KAT6B: variants seen among roughly 807,000 people sequenced by gnomAD.
KAT6B encodes histone acetyltransferase KAT6B.
In KAT6B, 10 loss-of-function variants were observed where a neutral mutation model predicts 187.5. That is an observed-to-expected ratio of 0.05 (90% CI 0.03 to 0.09). The LOEUF is 0.09. KAT6B is among the 10% of genes least tolerant of loss of function. KAT6B has a pLI of 1.00. For missense variants in KAT6B, 1,952 were observed against 2,558.9 expected (o/e 0.76, Z 5.12); for synonymous variants, 861 against 926.8 (o/e 0.93, Z 1.29).
In KAT6B at chr10:75,030,934, C is replaced by CA; in HGVS notation, c.6112dup (p.Met2038AsnfsTer8). 6.2e-7 allele frequency: 1 copy of CA among 1,614,148 alleles called. No individual in the cohort carries two copies. Among genetic ancestry groups the CA allele is most frequent in the Non-Finnish European group, 8.5e-7 (1 of 1,180,034 alleles). On this transcript the variant is annotated frameshift_variant, in exon 18 of 18. Transcript: ENST00000287239. LOFTEE classifies it high-confidence loss of function. The surrounding 1 kb of genome is among the most constrained non-coding windows in gnomAD (Gnocchi z 4.8). ...GGCACCCAGCCATATGCCCAGCAGC[C>CA]AATGCAGACCCCACCCCACGGTAAC...
intron 3 of KAT6B, among the ~76,000 whole-genome samples, chr10:74,892,804 C>A (rs572457548): frequency 1.3e-5 from 2 of 152,100 alleles, no homozygotes; most frequent in African/African-American, 4.8e-5. Context: ...CCTGAGAAAG[C>A]GTTCTTGAGT....
chr10:74,886,406 A>G (rs1845270126), intron 3 of KAT6B, among the ~76,000 whole-genome samples: 1 of 152,210 alleles, frequency 6.6e-6, no homozygotes, highest in African/African-American at 2.4e-5. Flanking sequence ...CCTGCATCCC[A>G]GGTGAGGAGG....
chr10:74,847,444 C>T (rs1163015398), intron 3 of KAT6B, among the ~76,000 whole-genome samples: 2 of 152,090 alleles, frequency 1.3e-5, no homozygotes, highest in African/African-American at 2.4e-5. Context: ...GGGTGGATCA[C>T]CTGAGGTCAG....
intron 13 of KAT6B, among the ~76,000 whole-genome samples, chr10:75,004,100 A>G (rs148675569): frequency 3.3e-4 from 50 of 151,900 alleles, no homozygotes; most frequent in African/African-American, 8.9e-4. Context: ...TTGGATTTCT[A>G]ACGTTGACTG....
intron 1 of KAT6B, among the ~76,000 whole-genome samples, chr10:74,832,454 C>T (rs76193251): frequency 0.013 from 2,008 of 152,156 alleles, 26 homozygotes; most frequent in Non-Finnish European, 0.02. Context: ...GGGAGACCCC[C>T]GCCTCTATTT....
intron 13 of KAT6B, among the ~76,000 whole-genome samples, chr10:75,006,032 C>G (rs1844181087): frequency 1.3e-5 from 2 of 152,120 alleles, no homozygotes; most frequent in South Asian, 4.1e-4. Context: ...TCAGTCTCCA[C>G]AATAAATTTG....
chr10:75,007,596 G>A (rs1441089856), intron 13 of KAT6B, among the ~76,000 whole-genome samples: 2 of 152,198 alleles, frequency 1.3e-5, no homozygotes, highest in African/African-American at 2.4e-5. Context: ...ATTGGCTGGA[G>A]CGGATAGAAA....
intron 3 of KAT6B, among the ~76,000 whole-genome samples, chr10:74,931,056 G>A (rs1490251351): frequency 6.6e-6 from 1 of 152,206 alleles, no homozygotes; most frequent in African/African-American, 2.4e-5. Flanking sequence ...GCGCAATTAA[G>A]CACAGAACTC....
intron 3 of KAT6B, among the ~76,000 whole-genome samples, chr10:74,891,179 G>A (rs559912796): frequency 7.9e-5 from 12 of 152,340 alleles, no homozygotes; most frequent in African/African-American, 2.9e-4. Context: ...GGCAATTCCT[G>A]ACAGCATTTC....
At chr10:74,844,703 A>C (rs985736552) in intron 3 of KAT6B, among the ~76,000 whole-genome samples, 1 of 152,152 alleles carries the variant, frequency 6.6e-6, no homozygotes, top group Non-Finnish European at 1.5e-5. Context: ...TTCTCCTTAC[A>C]TTACTGCTAC....
intron 3 of KAT6B, among the ~76,000 whole-genome samples, chr10:74,855,767 T>G (rs917482557): frequency 2.0e-5 from 3 of 152,090 alleles, no homozygotes; most frequent in Non-Finnish European, 4.4e-5. Flanking sequence ...ATTAAAAGAG[T>G]AGTACAGTAA....
intron 3 of KAT6B, among the ~76,000 whole-genome samples, chr10:74,928,558 A>G (rs1358759143): frequency 6.6e-6 from 1 of 152,204 alleles, no homozygotes; most frequent in Non-Finnish European, 1.5e-5. Context: ...CTATTTCATC[A>G]GGAAGAACAA....
Position 74,952,984 on chromosome 10 carries a change from G to A in KAT6B, c.622-6986G>A, listed in dbSNP as rs550798443. Among the ~76,000 whole-genome samples the A allele has an allele frequency of 9.9e-5, 15 of 150,980 alleles. No homozygotes were observed. The South Asian group carries it at 2.7e-3, about 27-fold the overall frequency. ...CAAAGTGTGGGGATTACAAGCGTAA[G>A]CCACCGTGCCCAGCCAGTATTCATC... On this transcript the variant is annotated intron_variant, in intron 3 of 17. Coordinates refer to ENST00000287239, the MANE Select transcript of KAT6B (RefSeq NM_012330.4).
chr10:75,006,927 G>T (rs1425346230), intron 13 of KAT6B, among the ~76,000 whole-genome samples: 3 of 152,052 alleles, frequency 2.0e-5, no homozygotes, highest in Admixed American at 6.5e-5. Flanking sequence ...AATTATCCGG[G>T]TGTTGCGGCA....
chr10:75,022,051 G>T lies in KAT6B; in HGVS notation c.3192G>T (p.Leu1064=), dbSNP rs1183588808. The T allele has an allele frequency of 6.2e-7, 1 of 1,613,926 alleles. No individual in the cohort carries two copies. Among genetic ancestry groups the T allele is most frequent in the South Asian group, 1.1e-5 (1 of 91,064 alleles). The change falls in exon 16 of 18, where the codon CTG becomes CTT. Residue 1064 remains leucine (L), a synonymous_variant. Coordinates refer to ENST00000287239, the MANE Select transcript of KAT6B (RefSeq NM_012330.4). ...VTGERGQLLE[L]SKESSEEEEE... Reference sequence around the variant, plus strand: ...GGGAGCGAGGGCAGCTGCTGGAGCTGTCTAAAGAGAGCAGTGAAGAAGAAG... The same window carrying T: ...GGGAGCGAGGGCAGCTGCTGGAGCTTTCTAAAGAGAGCAGTGAAGAAGAAG...
At chr10:75,008,731 G>C (rs1844392541) in intron 13 of KAT6B, among the ~76,000 whole-genome samples, 2 of 152,094 alleles carry the variant, frequency 1.3e-5, no homozygotes, top group South Asian at 4.1e-4. Flanking sequence ...CCGTGAATTT[G>C]TTTTAAACAT....
Position 75,020,610 on chromosome 10 carries a change from A to G in KAT6B, c.2658A>G (p.Gln886=). The change falls in exon 14 of 18, where the codon CAA becomes CAG. Residue 886 remains glutamine, a synonymous_variant. Coordinates refer to ENST00000287239, the MANE Select transcript of KAT6B (RefSeq NM_012330.4). ...FSYLLSRREG[Q]AGSPEKPLSD... The stretch of plus-strand genomic sequence containing the variant: ...ATTTGCTTTCTAGAAGAGAAGGCCA[A>G]GCAGGGTCTCCTGAAAAGCCTCTCT... The G allele has an allele frequency of 6.2e-7, 1 of 1,614,226 alleles. No homozygotes were observed.
chr10:75,030,133 G>A lies in KAT6B; in HGVS notation c.5309G>A (p.Ser1770Asn). The A allele has an allele frequency of 6.8e-6, 11 of 1,614,246 alleles. No individual in the cohort carries two copies. The highest frequency in any genetic ancestry group is 9.3e-6 in the Non-Finnish European group (11 of 1,180,046). The change falls in exon 18 of 18, where the codon AGC becomes AAC. Residue 1770 changes from serine (S) to asparagine (N), a missense_variant. Physicochemically the swap from Ser to Asn is conservative, Grantham distance 46 (BLOSUM62 1). Coordinates refer to ENST00000287239, the MANE Select transcript of KAT6B (RefSeq NM_012330.4). The surrounding 1 kb of genome is among the most constrained non-coding windows in gnomAD (Gnocchi z 4.8). ...AGCAGCCAGCAGCTGGCTCAGTGCA[G>A]CATGGCTGCTAACTTCACCCCACCC... The part of the protein sequence containing the change: ...PSSSQQLAQC[S>N]MAANFTPPMQ...
At chr10:74,855,608 A>G (rs762579909) in intron 3 of KAT6B, among the ~76,000 whole-genome samples, 29 of 152,198 alleles carry the variant, frequency 1.9e-4, no homozygotes, top group Non-Finnish European at 3.7e-4. Context: ...TGCTAGTGGA[A>G]GAGTATTGGC....
Sources: allele counts gnomAD v4.1 joint callset (sites outside exome capture counted in the v4.1 genomes callset), GRCh38; gene constraint gnomAD v4.1.1; non-coding constraint Gnocchi (gnomAD v3.1); transcripts MANE v1.5; gene names NCBI Gene and HGNC (gene_info 2026-07-23, HGNC 2026-07-21).